The following ZNF33B variants were observed in gnomAD, a reference collection of about 807,000 sequenced individuals.
The protein encoded by ZNF33B is zinc finger protein 11b (KOX 2).
A neutral mutation model predicts 45.8 loss-of-function variants in ZNF33B; 29 were observed. That is an observed-to-expected ratio of 0.63 (90% CI 0.47 to 0.86). ZNF33B has a LOEUF of 0.86. Among genes scored for constraint, ZNF33B ranks in the 40% least tolerant of loss-of-function variants. The pLI is 0.00. For synonymous variants in ZNF33B, 305 were observed against 307.8 expected (o/e 0.99, Z 0.10); for missense variants, 831 against 909.9 (o/e 0.91, Z 1.12).
At chr10:42,619,765 T>C (rs1454899813) in intron 4 of ZNF33B, among the ~76,000 whole-genome samples, 1 of 152,182 alleles carries the variant, frequency 6.6e-6, no homozygotes, top group Admixed American at 6.5e-5. Flanking sequence ...AAGGTTTTCA[T>C]ATGATATTGA....
intron 1 of ZNF33B, among the ~76,000 whole-genome samples, chr10:42,578,061 G>A (rs978758741): frequency 1.4e-5 from 2 of 140,598 alleles, no homozygotes; most frequent in Non-Finnish European, 3.2e-5. Flanking sequence ...GGACCTCTGG[G>A]GCTCTCAGCT....
intron 1 of ZNF33B, among the ~76,000 whole-genome samples, chr10:42,637,408 G>C (rs1839358783): frequency 6.6e-6 from 1 of 152,158 alleles, no homozygotes; most frequent in Admixed American, 6.5e-5. Flanking sequence ...AACCATAAGC[G>C]TCAGTGCTTC....
intron 4 of ZNF33B, among the ~76,000 whole-genome samples, chr10:42,596,345 T>C (rs996820648): frequency 2.0e-5 from 3 of 152,096 alleles, no homozygotes; most frequent in African/African-American, 7.2e-5. Flanking sequence ...AGACCAAGTC[T>C]CAGCAAACTT....
intron 4 of ZNF33B, among the ~76,000 whole-genome samples, chr10:42,608,763 G>A (rs932352432): frequency 3.3e-5 from 5 of 151,704 alleles, no homozygotes; most frequent in African/African-American, 9.7e-5. Context: ...GCAAGAAGAA[G>A]GCAGGAAGGA....
intron 4 of ZNF33B, among the ~76,000 whole-genome samples, chr10:42,598,061 T>G (rs551569219): frequency 6.6e-6 from 1 of 152,354 alleles, no homozygotes; most frequent in South Asian, 2.1e-4. Context: ...TAATGTTCTC[T>G]CCCATCAAAT....
intron 4 of ZNF33B, among the ~76,000 whole-genome samples, chr10:42,605,913 T>C (rs1029899649): frequency 5.3e-5 from 8 of 151,706 alleles, no homozygotes; most frequent in Non-Finnish European, 8.8e-5. Context: ...TTAGGCAACA[T>C]ACTGAGACCC....
At chr10:42,620,407 A>T (rs1423353205) in intron 4 of ZNF33B, among the ~76,000 whole-genome samples, 3 of 151,660 alleles carry the variant, frequency 2.0e-5, no homozygotes, top group Non-Finnish European at 2.9e-5. Context: ...GATTTGATTG[A>T]TTTATTTATT....
At chr10:42,607,495 G>C (rs562960129) in intron 4 of ZNF33B, among the ~76,000 whole-genome samples, 3 of 151,962 alleles carry the variant, frequency 2.0e-5, no homozygotes, top group Admixed American at 1.3e-4. Context: ...ATATGTCTGG[G>C]TAACAAAACT....
downstream of ZNF33B, among the ~76,000 whole-genome samples, chr10:42,584,840 T>C (rs1426951038): frequency 6.6e-6 from 1 of 152,168 alleles, no homozygotes; most frequent in Non-Finnish European, 1.5e-5. Flanking sequence ...CCCTTTTAGA[T>C]GAACTCCTGA....
intron 2 of ZNF33B, among the ~76,000 whole-genome samples, chr10:42,636,552 T>C (rs1839309662): frequency 6.6e-6 from 1 of 152,226 alleles, no homozygotes; most frequent in East Asian, 1.9e-4. Flanking sequence ...CCAGGCACGG[T>C]GGCTCACACT....
chr10:42,626,108 A>C (rs1179948493), intron 4 of ZNF33B, among the ~76,000 whole-genome samples: 1 of 152,182 alleles, frequency 6.6e-6, no homozygotes. Flanking sequence ...GCATTTTGTC[A>C]AATGCTTTCT....
At chr10:42,604,752 A>G (rs568049942) in intron 4 of ZNF33B, among the ~76,000 whole-genome samples, 1 of 152,088 alleles carries the variant, frequency 6.6e-6, no homozygotes, top group South Asian at 2.1e-4. Flanking sequence ...CGGGGTCTCT[A>G]CTAAAAATAC....
intron 4 of ZNF33B, among the ~76,000 whole-genome samples, chr10:42,620,182 C>T (rs1838506778): frequency 1.3e-5 from 2 of 148,742 alleles, no homozygotes; most frequent in Non-Finnish European, 3.0e-5. Context: ...TACCACTACA[C>T]TCTGGCCTGG....
downstream of ZNF33B, among the ~76,000 whole-genome samples, chr10:42,585,810 CTG>C (rs893673816): frequency 1.3e-5 from 2 of 152,186 alleles, no homozygotes; most frequent in African/African-American, 4.8e-5. Context: ...TTGTCTTTGT[CTG>C]TGTCTCCTCT....
At chr10:42,620,424 A>G (rs1838521779) in intron 4 of ZNF33B, among the ~76,000 whole-genome samples, 1 of 152,034 alleles carries the variant, frequency 6.6e-6, no homozygotes, top group Non-Finnish European at 1.5e-5. Context: ...TATTTTTTAG[A>G]CAGGGTCTTG....
chr10:42,587,060 G>GTT (rs929217961), downstream of ZNF33B, among the ~76,000 whole-genome samples: 2 of 152,104 alleles, frequency 1.3e-5, no homozygotes, highest in Non-Finnish European at 2.9e-5. Context: ...GGGGCAAAAA[G>GTT]GGCCTAGTGT....
At chr10:42,619,554 C>A (rs949403630) in intron 4 of ZNF33B, among the ~76,000 whole-genome samples, 6 of 152,182 alleles carry the variant, frequency 3.9e-5, no homozygotes, top group Non-Finnish European at 7.3e-5. Flanking sequence ...AAAATAAAGA[C>A]TTCCAATAAA....
intron 4 of ZNF33B, among the ~76,000 whole-genome samples, chr10:42,612,323 C>T (rs943005703): frequency 1.3e-5 from 2 of 148,394 alleles, no homozygotes; most frequent in Admixed American, 6.9e-5. Context: ...GCAACCTCTG[C>T]GTTCCAGGTT....
intron 1 of ZNF33B, chr10:42,578,474 T>C (rs1185499693): frequency 2.0e-5 from 3 of 152,836 alleles, no homozygotes; most frequent in Non-Finnish European, 4.4e-5. Context: ...TCCTCCAGGA[T>C]GTAATGAGTT....
Sources: gnomAD v4.1 joint callset for allele counts (sites outside exome capture counted in the v4.1 genomes callset) on GRCh38, gnomAD v4.1.1 for gene constraint, MANE v1.5 for transcripts, NCBI Gene and HGNC (gene_info 2026-07-23, HGNC 2026-07-21) for gene names.